Variants in SYT16 observed in about 807,000 individuals in gnomAD.
The protein encoded by SYT16 is synaptotagmin-16.
Under a neutral mutation model 61.4 loss-of-function variants are expected in SYT16, and 42 were observed. The ratio of observed to expected loss-of-function variants is 0.68; its 90% CI spans 0.53 to 0.89. The LOEUF is 0.89. Among genes scored for constraint, SYT16 ranks in the 40% least tolerant of loss-of-function variants. The probability of loss-of-function intolerance (pLI) is 0.00; values close to 1 mark genes in which losing one functional copy is unlikely to be tolerated. For synonymous variants in SYT16, 314 were observed against 302.3 expected, an observed-to-expected ratio of 1.04 and a Z score of -0.40; for missense variants, 804 against 807.3, an observed-to-expected ratio of 1.00 and a Z score of 0.05.
In SYT16 at chr14:61,874,369, C is replaced by T. The variant is rs145656968; in HGVS notation, c.-325+61559C>T. Among the ~76,000 whole-genome samples the T allele has an allele frequency of 1.7e-3, 266 of 152,138 alleles. 1 individual carries two copies. Among genetic ancestry groups the T allele is most frequent in the African/African-American group, 6.2e-3 (256 of 41,486 alleles). ...TGTGAATGCCACATATCTGGAGGGC[C>T]GACTTTTTGTATGAGTGGGTTCCAC... On this transcript the variant is annotated intron_variant, in intron 1 of 7. Transcript: ENST00000683842.
At chr14:62,090,077 T>C (rs779651540) in intron 7 of SYT16, among the ~76,000 whole-genome samples, 1 of 152,242 alleles carries the variant, frequency 6.6e-6, no homozygotes, top group Admixed American at 6.5e-5. Flanking sequence ...CAAGCTAGTG[T>C]TACAGATATA....
At chr14:62,098,736 C>T (rs11850000) in intron 7 of SYT16, among the ~76,000 whole-genome samples, 92,946 of 152,020 alleles carry the variant, frequency 0.61, 30,024 homozygotes, top group African/African-American at 0.83. Context: ...CTCTTTACCA[C>T]TGGAAAACTG....
At chr14:61,965,133 G>A (rs1299456628) in intron 1 of SYT16, among the ~76,000 whole-genome samples, 2 of 152,096 alleles carry the variant, frequency 1.3e-5, no homozygotes, top group African/African-American at 4.8e-5. Flanking sequence ...ATTCTCTTGG[G>A]TGCATACCTA....
chr14:61,908,751 C>T (rs760054884), intron 1 of SYT16, among the ~76,000 whole-genome samples: 13 of 152,138 alleles, frequency 8.5e-5, no homozygotes, highest in Non-Finnish European at 1.3e-4. Flanking sequence ...GTTCCTGAAA[C>T]GCAAGCTAGC....
chr14:62,012,841 T>C (rs1193170541), intron 3 of SYT16, among the ~76,000 whole-genome samples: 4 of 152,218 alleles, frequency 2.6e-5, no homozygotes, highest in Admixed American at 1.3e-4. Context: ...TAAATCTATA[T>C]ATTTGAATTG....
intron 3 of SYT16, among the ~76,000 whole-genome samples, chr14:62,006,308 A>C (rs1279304323): frequency 6.6e-6 from 1 of 152,118 alleles, no homozygotes; most frequent in Non-Finnish European, 1.5e-5. Context: ...GCTGCTTTGC[A>C]GTCTGTTGAA....
intron 3 of SYT16, among the ~76,000 whole-genome samples, chr14:62,052,700 G>A (rs2055363589): frequency 6.6e-6 from 1 of 152,188 alleles, no homozygotes; most frequent in Admixed American, 6.5e-5. Flanking sequence ...AGGTCATGGA[G>A]GTGGAGCCCT....
chr14:62,030,815 C>T (rs1263693974), intron 3 of SYT16, among the ~76,000 whole-genome samples: 4 of 152,038 alleles, frequency 2.6e-5, no homozygotes, highest in African/African-American at 9.7e-5. Context: ...AAAATGAAAG[C>T]TGCAAAGAAA....
In SYT16 at chr14:62,069,671, T is replaced by C. The variant is rs2056215606; in HGVS notation, c.592T>C (p.Phe198Leu). Residue 198 changes from phenylalanine (F) to leucine (L), a missense_variant, in exon 4 of 8, where the codon TTT becomes CTT. Physicochemically the swap from Phe to Leu is conservative, Grantham distance 22 (BLOSUM62 0). Transcript: ENST00000683842. ...SDSDEEVIKQ[F>L]EISVSRSQSF... Reference sequence around the variant, plus strand: ...CAGTGACGAGGAGGTGATCAAACAATTTGAGATTTCCGTGTCCCGGTCCCA... The same window carrying C: ...CAGTGACGAGGAGGTGATCAAACAACTTGAGATTTCCGTGTCCCGGTCCCA... The C allele has an allele frequency of 6.2e-7, 1 of 1,613,962 alleles. No individual in the cohort carries two copies. Among genetic ancestry groups the C allele is most frequent in the East Asian group, 2.2e-5 (1 of 44,874 alleles).
At chr14:61,871,688 A>T (rs1336963517) in intron 1 of SYT16, among the ~76,000 whole-genome samples, 2 of 152,214 alleles carry the variant, frequency 1.3e-5, no homozygotes, top group Non-Finnish European at 2.9e-5. Context: ...TTTAATCCCT[A>T]TTACTATATT....
chr14:61,870,907 G>A (rs2047311730), intron 1 of SYT16, among the ~76,000 whole-genome samples: 1 of 152,044 alleles, frequency 6.6e-6, no homozygotes, highest in African/African-American at 2.4e-5. Flanking sequence ...TACTGGGTCT[G>A]TTTCTAGTTA....
chr14:62,019,995 TAAAGA>T (rs149702685), intron 3 of SYT16, among the ~76,000 whole-genome samples: 3 of 152,230 alleles, frequency 2.0e-5, no homozygotes, highest in African/African-American at 7.2e-5. Flanking sequence ...AATTTTTAAA[TAAAGA>T]AATCCTTTCA....
At chr14:61,999,591 T>G (rs770175393) in intron 3 of SYT16, among the ~76,000 whole-genome samples, 1 of 151,914 alleles carries the variant, frequency 6.6e-6, no homozygotes, top group South Asian at 2.1e-4. Flanking sequence ...TTATCACTAT[T>G]GTTTTTCTGT....
intron 3 of SYT16, among the ~76,000 whole-genome samples, chr14:62,037,253 T>G (rs1045017272): frequency 9.9e-5 from 15 of 152,116 alleles, no homozygotes; most frequent in Non-Finnish European, 1.5e-4. Flanking sequence ...GTCTTGTAGT[T>G]TTTTAGTGTT....
At chr14:61,998,561 G>A (rs1027864428) in intron 3 of SYT16, among the ~76,000 whole-genome samples, 1 of 151,902 alleles carries the variant, frequency 6.6e-6, no homozygotes, top group African/African-American at 2.4e-5. Flanking sequence ...ATATTCCATT[G>A]AATGAATGCA....
intron 1 of SYT16, among the ~76,000 whole-genome samples, chr14:61,872,539 C>T (rs1566642002): frequency 6.6e-6 from 1 of 152,322 alleles, no homozygotes; most frequent in East Asian, 1.9e-4. Context: ...CATTAGTTCA[C>T]ATGAATTTAA....
intron 3 of SYT16, among the ~76,000 whole-genome samples, chr14:62,019,862 G>A (rs191514989): frequency 6.6e-6 from 1 of 152,186 alleles, no homozygotes; most frequent in South Asian, 2.1e-4. Context: ...ATTTAAAAGC[G>A]CCTATCTGAC....
intron 4 of SYT16, among the ~76,000 whole-genome samples, chr14:62,070,323 T>C (rs1663660784): frequency 6.6e-6 from 1 of 152,206 alleles, no homozygotes; most frequent in East Asian, 1.9e-4. Flanking sequence ...AAAAAAGTAG[T>C]GTAATAATAT....
At chr14:62,033,476 G>A (rs1160899193) in intron 3 of SYT16, among the ~76,000 whole-genome samples, 2 of 152,082 alleles carry the variant, frequency 1.3e-5, no homozygotes, top group Non-Finnish European at 2.9e-5. Flanking sequence ...TTCAAAGCAA[G>A]AACACATATT....
Sources: gnomAD v4.1 joint callset for allele counts (sites outside exome capture counted in the v4.1 genomes callset) on GRCh38, gnomAD v4.1.1 for gene constraint, MANE v1.5 for transcripts, NCBI Gene and HGNC (gene_info 2026-07-23, HGNC 2026-07-21) for gene names.